The following BEND2 variants were observed in gnomAD, a reference collection of about 807,000 sequenced individuals.
BEND2 encodes BEN domain-containing protein 2.
BEND2 carries 19 observed loss-of-function variants against 43.8 expected under a neutral mutation model. That is an observed-to-expected ratio of 0.43 (90% confidence interval 0.30 to 0.64). The LOEUF (loss-of-function observed/expected upper bound fraction) is 0.64, where lower values mean the gene tolerates loss of function less well. Ranked by LOEUF, BEND2 falls within the 30% of genes least tolerant of loss-of-function variation. BEND2 has a pLI of 0.11. For missense variants in BEND2, 544 were observed against 574.0 expected (o/e 0.95, Z 0.53); for synonymous variants, 226 against 210.1 (o/e 1.08, Z -0.66).
chrX:18,162,981 T>C lies in BEND2; in HGVS notation c.*2028A>G, dbSNP rs935198064. ...TTGTATCTATTTGGGAAACAAAACA[T>C]TAAAGATACATTTATTTATCAAAAA... On this transcript the variant is annotated 3_prime_UTR_variant, in exon 14 of 14. Transcript: ENST00000380033. The C allele has an allele frequency of 2.7e-5, 3 of 112,413 alleles. No homozygotes were observed. The highest frequency in any genetic ancestry group is 9.7e-5 in the African/African-American group (3 of 30,985). 9.3% of individuals were successfully genotyped at this position (112,413 alleles called of 1,213,427 possible). A position where few individuals can be genotyped will look rare whatever the true frequency, so the allele number is the denominator to read the frequency against.
At chrX:18,212,328 AC>A (rs1235426787) in intron 4 of BEND2, among the ~76,000 whole-genome samples, 2 of 110,038 alleles carry the variant, frequency 1.8e-5, no homozygotes, top group Non-Finnish European at 3.8e-5. Flanking sequence ...CAAACTCCTG[AC>A]CTCAGGTGAT....
intron 6 of BEND2, among the ~76,000 whole-genome samples, chrX:18,197,580 G>A (rs1437221651): frequency 8.9e-6 from 1 of 111,984 alleles, no homozygotes; most frequent in Admixed American, 9.5e-5. Flanking sequence ...CAGATGAAGA[G>A]GAAGAACATG....
At chrX:18,197,966 T>G (rs1925013536) in intron 6 of BEND2, among the ~76,000 whole-genome samples, 2 of 111,662 alleles carry the variant, frequency 1.8e-5, no homozygotes, top group Admixed American at 1.9e-4. Flanking sequence ...ATTCCCTATT[T>G]AACAAATGGT....
chrX:18,193,982 A>G (rs1322621508), intron 7 of BEND2, among the ~76,000 whole-genome samples: 1 of 112,161 alleles, frequency 8.9e-6, no homozygotes, highest in Non-Finnish European at 1.9e-5. Context: ...AAATAAAAAC[A>G]TCCTCACAAA....
chrX:18,211,249 T>C (rs1197258387), intron 4 of BEND2, among the ~76,000 whole-genome samples: 1 of 112,059 alleles, frequency 8.9e-6, no homozygotes, highest in African/African-American at 3.2e-5. Context: ...ATCTATTTTA[T>C]TCAACTTCAG....
chrX:18,207,691 CA>C (rs1925380142), intron 4 of BEND2, among the ~76,000 whole-genome samples: 1 of 112,195 alleles, frequency 8.9e-6, no homozygotes, highest in Non-Finnish European at 1.9e-5. Context: ...AGATGATAAT[CA>C]TACAGAACTT....
chrX:18,189,463 A>G (rs1479122162), intron 8 of BEND2, among the ~76,000 whole-genome samples: 1 of 111,265 alleles, frequency 9.0e-6, no homozygotes, highest in African/African-American at 3.3e-5. Context: ...GTGAGCCATG[A>G]TCATGCCACT....
At chrX:18,177,799 C>A in intron 9 of BEND2, 30 bp from the exon 10 acceptor site, 1 of 1,156,273 alleles carries the variant, frequency 8.6e-7, no homozygotes, top group Non-Finnish European at 1.2e-6. Context: ...AAGGAACATC[C>A]TTGGTTTTGT....
chrX:18,206,501 G>A (rs1207142895), intron 4 of BEND2, among the ~76,000 whole-genome samples: 1 of 110,955 alleles, frequency 9.0e-6, no homozygotes, highest in Non-Finnish European at 1.9e-5. Flanking sequence ...CAAGAGAAGT[G>A]GCTTCTCCAA....
intron 5 of BEND2, among the ~76,000 whole-genome samples, chrX:18,202,587 G>A (rs922218425): frequency 6.3e-5 from 7 of 111,721 alleles, no homozygotes; most frequent in African/African-American, 2.0e-4. Context: ...CACACAAACC[G>A]GCTGGCACCT....
intron 13 of BEND2, among the ~76,000 whole-genome samples, chrX:18,165,605 T>C (rs910653630): frequency 8.9e-6 from 1 of 112,223 alleles, no homozygotes; most frequent in African/African-American, 3.2e-5. Flanking sequence ...AACAAGAGGC[T>C]GCAGTGTCAT....
intron 7 of BEND2, among the ~76,000 whole-genome samples, chrX:18,191,498 C>T (rs1197142001): frequency 8.9e-6 from 1 of 112,027 alleles, no homozygotes; most frequent in Non-Finnish European, 1.9e-5. Flanking sequence ...TACCATAGGA[C>T]CCAGCAACAG....
chrX:18,186,699 G>A (rs1003432741), intron 8 of BEND2, among the ~76,000 whole-genome samples: 29 of 108,336 alleles, frequency 2.7e-4, no homozygotes, highest in African/African-American at 9.4e-4. Flanking sequence ...GGTGGTTTAT[G>A]CCTGTAATTC....
intron 9 of BEND2, among the ~76,000 whole-genome samples, chrX:18,179,400 C>T (rs1924298028): frequency 9.1e-6 from 1 of 109,961 alleles, no homozygotes; most frequent in Non-Finnish European, 1.9e-5. Context: ...TGGGCTCAAG[C>T]GATTTTCCCA....
intron 12 of BEND2, among the ~76,000 whole-genome samples, chrX:18,172,627 G>A (rs1042769754): frequency 9.0e-6 from 1 of 110,682 alleles, no homozygotes; most frequent in African/African-American, 3.3e-5. Context: ...TTGGGAGGTG[G>A]AGGTTGCAGT....
At chrX:18,192,935 T>G (rs1159165884) in intron 7 of BEND2, among the ~76,000 whole-genome samples, 3 of 107,549 alleles carry the variant, frequency 2.8e-5, no homozygotes, top group Middle Eastern at 5.0e-3. Context: ...GTGCCAGGAG[T>G]TGGAGGCCAG....
In BEND2 at chrX:18,188,169, T is replaced by A. The variant is rs763359317; in HGVS notation, c.1288+2832A>T. On this transcript the variant is annotated intron_variant, in intron 8 of 13. Transcript: ENST00000380033. Reference sequence around the variant, plus strand: ...CATACCCAGAATTAGTAGAAGAAAATAATAATAAAGATCAGAGCAGAAGCA... The same window carrying A: ...CATACCCAGAATTAGTAGAAGAAAAAAATAATAAAGATCAGAGCAGAAGCA... Among the ~76,000 whole-genome samples, 3 of 109,793 alleles carry A rather than the reference T, an allele frequency of 2.7e-5. No individual in the cohort carries two copies. The East Asian group carries it at 8.6e-4, about 31-fold the overall frequency.
chrX:18,207,499 T>C (rs139307721), intron 4 of BEND2, among the ~76,000 whole-genome samples: 1,220 of 111,628 alleles, frequency 0.011, 14 homozygotes, highest in Middle Eastern at 0.032. Flanking sequence ...CCAATTTCCT[T>C]TAAGGATTAT....
Position 18,202,331 on chromosome X carries a change from T to C in BEND2, c.908-391A>G, listed in dbSNP as rs112545093. Reference sequence around the variant, plus strand: ...CTCATTACATTGGGTATAATAAATATGTGCAGTTTTTTACTTATCAATTAC... The same window carrying C: ...CTCATTACATTGGGTATAATAAATACGTGCAGTTTTTTACTTATCAATTAC... On this transcript the variant is annotated intron_variant, in intron 5 of 13. Transcript: ENST00000380033. 3.1e-3 allele frequency among the ~76,000 whole-genome samples: 351 copies of C among 112,198 alleles called. 1 individual carries two copies. The highest frequency in any genetic ancestry group is 7.9e-3 in the African/African-American group (245 of 30,948).
Sources: gnomAD v4.1 joint callset for allele counts (sites outside exome capture counted in the v4.1 genomes callset) on GRCh38, gnomAD v4.1.1 for gene constraint, MANE v1.5 for transcripts, NCBI Gene and HGNC (gene_info 2026-07-23, HGNC 2026-07-21) for gene names.